Variants in CYTH1 observed in about 807,000 individuals in gnomAD.
The protein encoded by CYTH1 is cytohesin 1.
Under a neutral mutation model 61.8 loss-of-function variants are expected in CYTH1, and 18 were observed. That is an observed-to-expected ratio of 0.29 (90% CI 0.20 to 0.43). CYTH1 has a LOEUF of 0.43. Ranked by LOEUF, CYTH1 falls within the 20% of genes least tolerant of loss-of-function variation. The pLI, the probability that CYTH1 is intolerant of heterozygous loss-of-function variation, is 1.00. For synonymous variants in CYTH1, 174 were observed against 184.3 expected, an observed-to-expected ratio of 0.94 and a Z score of 0.45; for missense variants, 336 against 510.5, an observed-to-expected ratio of 0.66 and a Z score of 3.29.
intron 1 of CYTH1, among the ~76,000 whole-genome samples, chr17:78,763,827 T>A (rs936405154): frequency 6.6e-6 from 1 of 152,172 alleles, no homozygotes; most frequent in Admixed American, 6.5e-5. Flanking sequence ...AAACATAGAA[T>A]AGGCCAGGCG....
intron 1 of CYTH1, among the ~76,000 whole-genome samples, chr17:78,714,791 T>G (rs1256762762): frequency 6.6e-6 from 1 of 150,728 alleles, no homozygotes; most frequent in Admixed American, 6.6e-5. Flanking sequence ...ACCACACCTA[T>G]GCCAGGAGTG....
chr17:78,710,643 C>T (rs754556942), intron 1 of CYTH1, among the ~76,000 whole-genome samples: 9 of 152,250 alleles, frequency 5.9e-5, no homozygotes, highest in Non-Finnish European at 1.2e-4. Flanking sequence ...ATGTAACCCA[C>T]TTGGGTCACA....
intron 1 of CYTH1, among the ~76,000 whole-genome samples, chr17:78,738,744 A>G (rs896217904): frequency 1.3e-5 from 2 of 152,208 alleles, no homozygotes; most frequent in African/African-American, 2.4e-5. Context: ...TTCAAAACCT[A>G]TGTTTAATGA....
intron 1 of CYTH1, among the ~76,000 whole-genome samples, chr17:78,772,523 G>A (rs2093475511): frequency 6.6e-6 from 1 of 151,962 alleles, no homozygotes; most frequent in Admixed American, 6.6e-5. Flanking sequence ...AAACTGAAGT[G>A]TTTTGTTTTG....
chr17:78,697,445 C>A (rs561010678), intron 9 of CYTH1, among the ~76,000 whole-genome samples: 2 of 151,808 alleles, frequency 1.3e-5, no homozygotes, highest in African/African-American at 4.8e-5. Flanking sequence ...CTACTAAAGT[C>A]TTTCCTATTG....
chr17:78,711,153 T>C (rs545416377), intron 1 of CYTH1, among the ~76,000 whole-genome samples: 62 of 151,566 alleles, frequency 4.1e-4, no homozygotes, highest in African/African-American at 1.5e-3. Flanking sequence ...TCCCAGCTAC[T>C]CGGGAGGCTG....
At chr17:78,699,317 T>C (rs1310409814) in intron 7 of CYTH1, among the ~76,000 whole-genome samples, 1 of 149,130 alleles carries the variant, frequency 6.7e-6, no homozygotes, top group Non-Finnish European at 1.5e-5. Flanking sequence ...TGAGCCGAGA[T>C]AGCGCCACTG....
chr17:78,682,150 C>T (rs898329892), intron 11 of CYTH1, among the ~76,000 whole-genome samples: 4 of 152,256 alleles, frequency 2.6e-5, no homozygotes, highest in Non-Finnish European at 4.4e-5. Context: ...ATTAACACCA[C>T]GTTTCTCTTC....
chr17:78,724,124 C>T (rs894040804), intron 1 of CYTH1: 1 of 152,176 alleles, frequency 6.6e-6, no homozygotes, highest in Non-Finnish European at 1.5e-5. Flanking sequence ...GTTAGGCAAG[C>T]GAACCTTGGG....
chr17:78,702,773 C>A (rs150785528), intron 3 of CYTH1, among the ~76,000 whole-genome samples, 169 bp from the exon 4 acceptor site: 2 of 152,306 alleles, frequency 1.3e-5, no homozygotes, highest in African/African-American at 4.8e-5. Flanking sequence ...GAAGCCTGAA[C>A]CTGGCTCCAA....
At chr17:78,711,706 CT>C (rs78639438) in intron 1 of CYTH1, among the ~76,000 whole-genome samples, 3,923 of 141,010 alleles carry the variant, frequency 0.028, 60 homozygotes, top group African/African-American at 0.062. Context: ...CCGACTTTTC[CT>C]TTTTTTTTTT....
intron 9 of CYTH1, among the ~76,000 whole-genome samples, chr17:78,697,294 A>G (rs181442295): frequency 6.4e-4 from 91 of 142,920 alleles, no homozygotes; most frequent in Middle Eastern, 3.5e-3. Flanking sequence ...CTAAAGCAGA[A>G]GGCAACAGAG....
intron 3 of CYTH1, among the ~76,000 whole-genome samples, chr17:78,703,514 G>A (rs111260861): frequency 0.011 from 1,610 of 150,864 alleles, 27 homozygotes; most frequent in African/African-American, 0.038. Flanking sequence ...ACTAAGTTGT[G>A]CAACATCACC....
At chr17:78,749,459 C>T (rs536000568) in intron 1 of CYTH1, among the ~76,000 whole-genome samples, 1 of 151,894 alleles carries the variant, frequency 6.6e-6, no homozygotes, top group East Asian at 1.9e-4. Flanking sequence ...GACTCCATCC[C>T]CCCTACAAAA....
chr17:78,709,856 T>G (rs769700395), intron 1 of CYTH1, 124 bp from the exon 2 acceptor site: 3 of 770,436 alleles, frequency 3.9e-6, no homozygotes, highest in Non-Finnish European at 4.2e-6. Context: ...CAGAAATGAC[T>G]GAGTGATAGA....
At chr17:78,712,498 C>CA (rs1304028021) in intron 1 of CYTH1, among the ~76,000 whole-genome samples, 3 of 150,610 alleles carry the variant, frequency 2.0e-5, no homozygotes, top group Non-Finnish European at 4.4e-5. Context: ...ACTAAAAATA[C>CA]AAAAAAAATT....
intron 1 of CYTH1, among the ~76,000 whole-genome samples, chr17:78,710,685 C>T (rs2093119663): frequency 6.6e-6 from 1 of 152,212 alleles, no homozygotes; most frequent in African/African-American, 2.4e-5. Context: ...CCCACCATCA[C>T]CCACTTGATA....
Position 78,676,038 on chromosome 17 carries a change from G to C in CYTH1, c.*53C>G. 1 of 1,567,860 alleles carries C rather than the reference G, an allele frequency of 6.4e-7. No homozygotes were observed. On this transcript the variant is annotated 3_prime_UTR_variant, in exon 14 of 14. Transcript: ENST00000446868. ...CAGCAGTGCATCCATGGAGGTGCGGGAGAAGAGCAGGAGCTCCAAGGCCCC... is the reference window on the plus strand; with the variant it reads ...CAGCAGTGCATCCATGGAGGTGCGGCAGAAGAGCAGGAGCTCCAAGGCCCC...
intron 1 of CYTH1, among the ~76,000 whole-genome samples, chr17:78,733,768 C>G (rs546649217): frequency 2.6e-5 from 4 of 152,230 alleles, no homozygotes; most frequent in Non-Finnish European, 5.9e-5. Flanking sequence ...TGGTGTATAC[C>G]AAGCAAGATA....
Sources: allele counts gnomAD v4.1 joint callset (sites outside exome capture counted in the v4.1 genomes callset), GRCh38; gene constraint gnomAD v4.1.1; transcripts MANE v1.5; gene names NCBI Gene and HGNC (gene_info 2026-07-23, HGNC 2026-07-21).